The following EFCAB6 variants were observed in gnomAD, a reference collection of about 807,000 sequenced individuals.
EFCAB6 encodes EF-hand calcium-binding domain-containing protein 6.
EFCAB6 carries 156 observed loss-of-function variants against 169.8 expected under a neutral mutation model. That is an observed-to-expected ratio of 0.92 (90% CI 0.81 to 1.05). The LOEUF is 1.05. Ranked by LOEUF, EFCAB6 falls within the 50% of genes least tolerant of loss-of-function variation. The pLI is 0.00. For synonymous variants in EFCAB6, 698 were observed against 676.4 expected, an observed-to-expected ratio of 1.03 and a Z score of -0.50; for missense variants, 1,800 against 1,829.1, an observed-to-expected ratio of 0.98 and a Z score of 0.29.
At chr22:43,782,074 G>T in intron 3 of EFCAB6, 106 bp downstream of exon 3, 1 of 1,148,752 alleles carries the variant, frequency 8.7e-7, no homozygotes, top group Non-Finnish European at 1.2e-6. Flanking sequence ...TAGAGTTATT[G>T]TGAGGATTAA....
chr22:43,541,880 G>A (rs67684204), intron 27 of EFCAB6, among the ~76,000 whole-genome samples: 21,162 of 152,288 alleles, frequency 0.14, 1,579 homozygotes, highest in Middle Eastern at 0.19. Flanking sequence ...TCTGGCAAAG[G>A]GGAAGGCACA....
At chr22:43,631,169 T>G (rs984043300) in intron 19 of EFCAB6, among the ~76,000 whole-genome samples, 2 of 151,238 alleles carry the variant, frequency 1.3e-5, no homozygotes, top group African/African-American at 4.9e-5. Flanking sequence ...TTCACCCATC[T>G]CCATTCTGCC....
At chr22:43,750,543 G>A (rs918686834) in intron 6 of EFCAB6, among the ~76,000 whole-genome samples, 1 of 152,192 alleles carries the variant, frequency 6.6e-6, no homozygotes, top group Non-Finnish European at 1.5e-5. Context: ...ACCAAGTGCA[G>A]CAAAGTAGAG....
At chr22:43,608,019 T>C (rs1001269060) in intron 22 of EFCAB6, among the ~76,000 whole-genome samples, 4 of 152,162 alleles carry the variant, frequency 2.6e-5, no homozygotes. Context: ...AAAAGTTTGG[T>C]TTTTCTTCCC....
chr22:43,788,086 T>G (rs1039188977), intron 2 of EFCAB6, among the ~76,000 whole-genome samples: 1 of 152,076 alleles, frequency 6.6e-6, no homozygotes, highest in African/African-American at 2.4e-5. Context: ...TAACTCAAAA[T>G]AGATCAAAGC....
At chr22:43,569,395 G>C (rs1402101596) in intron 26 of EFCAB6, among the ~76,000 whole-genome samples, 1 of 152,214 alleles carries the variant, frequency 6.6e-6, no homozygotes, top group Non-Finnish European at 1.5e-5. Flanking sequence ...TATTAGTGCA[G>C]ATACTGGGGC....
chr22:43,639,161 C>T (rs538855274), intron 17 of EFCAB6, among the ~76,000 whole-genome samples: 54 of 152,304 alleles, frequency 3.5e-4, no homozygotes, highest in Middle Eastern at 3.4e-3. Context: ...TATTCCTATG[C>T]GGTTTTTAAA....
At chr22:43,639,389 G>A (rs1169732650) in intron 17 of EFCAB6, among the ~76,000 whole-genome samples, 1 of 152,122 alleles carries the variant, frequency 6.6e-6, no homozygotes, top group Non-Finnish European at 1.5e-5. Flanking sequence ...AGGAGACTTT[G>A]GCTGGGTATA....
chr22:43,540,494 A>C, intron 27 of EFCAB6, 137 bp from the exon 28 acceptor site: 1 of 1,540,162 alleles, frequency 6.5e-7, no homozygotes, highest in Non-Finnish European at 8.7e-7. Context: ...GAAAATTAAA[A>C]AAATAAAACG....
In EFCAB6 at chr22:43,722,686, G is replaced by A. The variant is rs142642305; in HGVS notation, c.758-5714C>T. Among the ~76,000 whole-genome samples the A allele has an allele frequency of 4.9e-3, 747 of 152,228 alleles. 4 individuals are homozygous for A. The highest frequency in any genetic ancestry group is 0.017 in the African/African-American group (708 of 41,520). ...ATTTAAAACAGAGCTACTATTCAACGCAGCAATCCAATTACTGGGCATATA... is the reference window on the plus strand; with the variant it reads ...ATTTAAAACAGAGCTACTATTCAACACAGCAATCCAATTACTGGGCATATA... On this transcript the variant is annotated intron_variant, in intron 8 of 31. Transcript: ENST00000262726.
At chr22:43,753,571 T>G (rs1422223058) in intron 6 of EFCAB6, among the ~76,000 whole-genome samples, 1 of 152,096 alleles carries the variant, frequency 6.6e-6, no homozygotes, top group African/African-American at 2.4e-5. Flanking sequence ...CCTTGACTTA[T>G]AGAGACAATG....
At chr22:43,587,017 G>A (rs1304586537) in intron 24 of EFCAB6, among the ~76,000 whole-genome samples, 1 of 152,190 alleles carries the variant, frequency 6.6e-6, no homozygotes, top group Non-Finnish European at 1.5e-5. Flanking sequence ...CAGAGGGAAT[G>A]TGGAAGAGAG....
At chr22:43,789,863 A>ACG (rs1034580490) in intron 2 of EFCAB6, among the ~76,000 whole-genome samples, 2 of 151,702 alleles carry the variant, frequency 1.3e-5, no homozygotes, top group African/African-American at 4.8e-5. Flanking sequence ...ACACACACAC[A>ACG]CACACACACA....
chr22:43,693,612 AC>A, intron 10 of EFCAB6, among the ~76,000 whole-genome samples: 1 of 151,202 alleles, frequency 6.6e-6, no homozygotes, highest in East Asian at 1.9e-4. Context: ...TTTAATAATA[AC>A]GTATCAATAT....
Position 43,811,641 on chromosome 22 carries a change from T to G in EFCAB6, c.-145+527A>C, listed in dbSNP as rs368922825. Among the ~76,000 whole-genome samples, 43 of 152,112 alleles carry G rather than the reference T, an allele frequency of 2.8e-4. 1 individual carries two copies. Among genetic ancestry groups the G allele is most frequent in the African/African-American group, 1.0e-3 (42 of 41,416 alleles). On this transcript the variant is annotated intron_variant, in intron 1 of 31. Coordinates refer to ENST00000262726, the MANE Select transcript of EFCAB6 (RefSeq NM_022785.4). ...TAAAAGAGCAGAGATTTTGCCGTGA[T>G]ACAGAAATGAGTTTGAATTCTGGCT...
In EFCAB6 at chr22:43,580,609, C is replaced by T; in HGVS notation, c.3083G>A (p.Arg1028Lys). 2 of 1,614,152 alleles carry T rather than the reference C, an allele frequency of 1.2e-6. No homozygotes were observed. Among genetic ancestry groups the T allele is most frequent in the Non-Finnish European group, 1.7e-6 (2 of 1,180,024 alleles). ...DNAINYLDFL[R>K]AVENSKSTGA... ...TGTTGACTTGCTGTTCTCCACTGCT[C>T]TCAGGAAGTCGAGGTAATTGATAGC... Residue 1028 changes from arginine (R) to lysine (K), a missense_variant, in exon 25 of 32, where the codon AGA becomes AAA. Physicochemically the swap from Arg to Lys is conservative, Grantham distance 26. Transcript: ENST00000262726.
In EFCAB6 at chr22:43,554,892, C is replaced by A. The variant is rs533490129; in HGVS notation, c.3625G>T (p.Val1209Phe). 2 of 1,614,156 alleles carry A rather than the reference C, an allele frequency of 1.2e-6. No individual in the cohort carries two copies. The highest frequency in any genetic ancestry group is 1.7e-5 in the Admixed American group (1 of 60,026). The part of the protein sequence containing the change: ...EEFRAICNRR[V>F]QILTDEQFDR... Reference sequence around the variant, plus strand: ...ACCTGTTCGTCCGTCAGGATTTGGACGCGGCGATTACAAATGGCCCTAAAC... The same window carrying A: ...ACCTGTTCGTCCGTCAGGATTTGGAAGCGGCGATTACAAATGGCCCTAAAC... The change falls in exon 27 of 32, where the codon GTC (valine) becomes TTC (phenylalanine). Residue 1209 changes from valine (V) to phenylalanine (F), a missense_variant. Val to Phe is a conservative substitution (Grantham distance 50). Coordinates refer to ENST00000262726, the MANE Select transcript of EFCAB6 (RefSeq NM_022785.4).
At chr22:43,556,201 A>T (rs565154886) in intron 26 of EFCAB6, among the ~76,000 whole-genome samples, 3 of 152,226 alleles carry the variant, frequency 2.0e-5, no homozygotes, top group Non-Finnish European at 2.9e-5. Flanking sequence ...AGCCTCCTGC[A>T]AAGAGGCAGG....
intron 2 of EFCAB6, among the ~76,000 whole-genome samples, chr22:43,784,502 A>AT (rs556467993): frequency 0.098 from 8,489 of 86,942 alleles, 660 homozygotes; most frequent in East Asian, 0.25. Flanking sequence ...AAAAAAAAAA[A>AT]ATATATATAT....
Sources: gnomAD v4.1 joint callset for allele counts (sites outside exome capture counted in the v4.1 genomes callset) on GRCh38, gnomAD v4.1.1 for gene constraint, MANE v1.5 for transcripts, NCBI Gene and HGNC (gene_info 2026-07-23, HGNC 2026-07-21) for gene names.